Variants in PGAP1 observed in about 807,000 individuals in gnomAD.
PGAP1 encodes post-GPI attachment to proteins inositol deacylase 1.
Under a neutral mutation model 127.0 loss-of-function variants are expected in PGAP1, and 76 were observed. The ratio of observed to expected loss-of-function variants is 0.60; its 90% CI spans 0.50 to 0.72. PGAP1 has a LOEUF of 0.72. Among genes scored for constraint, PGAP1 ranks in the 30% least tolerant of loss-of-function variants. PGAP1 has a pLI of 0.00. For missense variants in PGAP1, 982 were observed against 1,071.3 expected, an observed-to-expected ratio of 0.92 and a Z score of 1.16; for synonymous variants, 362 against 366.5, an observed-to-expected ratio of 0.99 and a Z score of 0.14.
chr2:196,845,292 G>T (rs1700525077), intron 23 of PGAP1, among the ~76,000 whole-genome samples: 2 of 150,682 alleles, frequency 1.3e-5, no homozygotes, highest in Non-Finnish European at 3.0e-5. Context: ...TATCCACTCT[G>T]ATGTCAACTG....
Position 196,864,259 on chromosome 2 carries a change from G to A in PGAP1, c.1861+728C>T, listed in dbSNP as rs191682443. Among the ~76,000 whole-genome samples, 3 of 151,520 alleles carry A rather than the reference G, an allele frequency of 2.0e-5. 1 individual carries two copies. Among genetic ancestry groups the A allele is most frequent in the Admixed American group, 1.3e-4 (2 of 15,202 alleles). ...ACAAAAATTAGCCGGACATGGTTGCGGGTGCCTGTAATCCCAGCTACTTGG... is the reference window on the plus strand; with the variant it reads ...ACAAAAATTAGCCGGACATGGTTGCAGGTGCCTGTAATCCCAGCTACTTGG... On this transcript the variant is annotated intron_variant, in intron 20 of 26. Transcript: ENST00000354764.
Position 196,845,903 on chromosome 2 carries a change from A to T in PGAP1, c.2265T>A (p.Ser755=). Residue 755 remains serine (S), a synonymous_variant, in exon 23 of 27, where the codon TCT becomes TCA. Transcript: ENST00000354764. ...ATACCTTAAACACATAGTAAAGATA[A>T]GAAAGAAGTATGGCTAGTGCTCCAC... ...TTCGALAILL[S]YLYYVFKVVH... is the part of the protein sequence containing the mutation. The T allele has an allele frequency of 6.2e-7, 1 of 1,608,394 alleles. No homozygotes were observed. The highest frequency in any genetic ancestry group is 2.2e-5 in the East Asian group (1 of 44,664).
At chr2:196,869,398 C>T (rs868726077) in intron 19 of PGAP1, among the ~76,000 whole-genome samples, 12 of 152,038 alleles carry the variant, frequency 7.9e-5, no homozygotes, top group Non-Finnish European at 1.8e-4. Context: ...TGCAGTGGCG[C>T]GATCTCTGCT....
In PGAP1 at chr2:196,873,552, C is replaced by T. The variant is rs1001426688; in HGVS notation, c.1528G>A (p.Val510Ile). ...CCTTTGACTGCTGAGCACTTGCTTA[C>T]CACGTTGATTTTAAAAGCTTGGTAT... ...QIYQAFKINV[V>I]SKCSAVKEEI... The change falls in exon 16 of 27, where the codon GTA becomes ATA. Residue 510 changes from valine (V) to isoleucine (I), a missense_variant. Val to Ile is a conservative substitution (Grantham distance 29). Coordinates refer to ENST00000354764, the MANE Select transcript of PGAP1 (RefSeq NM_024989.4). 1 of 1,610,550 alleles carries T rather than the reference C, an allele frequency of 6.2e-7. No homozygotes were observed. Among genetic ancestry groups the T allele is most frequent in the African/African-American group, 1.3e-5 (1 of 74,936 alleles).
Position 196,872,430 on chromosome 2 carries a change from A to T in PGAP1, c.1728+11T>A, listed in dbSNP as rs1482373518. The T allele has an allele frequency of 5.8e-6, 9 of 1,553,600 alleles. No individual in the cohort carries two copies. The highest frequency in any genetic ancestry group is 7.1e-6 in the Non-Finnish European group (8 of 1,126,942). On this transcript the variant is annotated intron_variant, in intron 18 of 26. Transcript: ENST00000354764. ...ACTAAATCTTAAAAATTAATCAAACATACAACTTACCTCGTACCGACAGTC... is the reference window on the plus strand; with the variant it reads ...ACTAAATCTTAAAAATTAATCAAACTTACAACTTACCTCGTACCGACAGTC...
intron 10 of PGAP1, among the ~76,000 whole-genome samples, chr2:196,886,573 T>C (rs1330472967): frequency 6.6e-6 from 1 of 152,206 alleles, no homozygotes; most frequent in Non-Finnish European, 1.5e-5. Context: ...TCTACATTTT[T>C]TAAATGAAGA....
intron 14 of PGAP1, among the ~76,000 whole-genome samples, chr2:196,874,152 G>C (rs1007273429): frequency 2.6e-5 from 4 of 151,846 alleles, no homozygotes; most frequent in African/African-American, 9.7e-5. Context: ...CTAAAGTTTT[G>C]CCAAGTAACA....
In PGAP1 at chr2:196,846,946, C is replaced by A. The variant is rs918373805; in HGVS notation, c.2150+57G>T. ...AAATAATTAATTTCAGGTTCCTTAT[C>A]AGAATATATATTTCTTCTTAAAGCA... On this transcript the variant is annotated intron_variant, in intron 22 of 26. Coordinates refer to ENST00000354764, the MANE Select transcript of PGAP1 (RefSeq NM_024989.4). The A allele has an allele frequency of 3.0e-5, 41 of 1,370,864 alleles. No individual in the cohort carries two copies. The African/African-American group carries it at 5.8e-4, about 19-fold the overall frequency. 84.9% of individuals were successfully genotyped at this position (1,370,864 alleles called of 1,614,324 possible). A position where few individuals can be genotyped will look rare whatever the true frequency, so the allele number is the denominator to read the frequency against.
chr2:196,854,285 C>A (rs1164000439), intron 20 of PGAP1, among the ~76,000 whole-genome samples: 2 of 152,018 alleles, frequency 1.3e-5, no homozygotes, highest in Non-Finnish European at 2.9e-5. Context: ...GAATATATCT[C>A]TCATCTTGTA....
chr2:196,920,202 C>T, intron 1 of PGAP1, 52 bp from the exon 2 acceptor site: 1 of 1,497,150 alleles, frequency 6.7e-7, no homozygotes. Flanking sequence ...TAATACAATT[C>T]AGCCTCACCA....
intron 3 of PGAP1, among the ~76,000 whole-genome samples, chr2:196,915,540 TG>T (rs1702979208): frequency 6.6e-6 from 1 of 152,228 alleles, no homozygotes. Context: ...TCTTTCCAGT[TG>T]TTTAGCCAAA....
intron 1 of PGAP1, among the ~76,000 whole-genome samples, chr2:196,924,769 G>A (rs1186145222): frequency 6.6e-6 from 1 of 152,102 alleles, no homozygotes; most frequent in Non-Finnish European, 1.5e-5. Context: ...TGTTTTTCCA[G>A]TCAATTTATG....
chr2:196,895,937 G>T (rs1198505815), intron 7 of PGAP1, among the ~76,000 whole-genome samples: 1 of 152,140 alleles, frequency 6.6e-6, no homozygotes, highest in African/African-American at 2.4e-5. Flanking sequence ...TCCAAAAGAA[G>T]AAGCCAGAGC....
chr2:196,915,453 A>G lies in PGAP1; in HGVS notation c.477+965T>C, dbSNP rs1181374050. Among the ~76,000 whole-genome samples, 3 of 152,178 alleles carry G rather than the reference A, an allele frequency of 2.0e-5. No individual in the cohort carries two copies. In the East Asian group the frequency reaches 5.8e-4, roughly 29 times the overall value. On this transcript the variant is annotated intron_variant, in intron 3 of 26. Coordinates refer to ENST00000354764, the MANE Select transcript of PGAP1 (RefSeq NM_024989.4). Reference sequence around the variant, plus strand: ...CTAATGTGCATCTCAAACTGGATCTATCTAAAACTAAACTCTTAATCTCCT... The same window carrying G: ...CTAATGTGCATCTCAAACTGGATCTGTCTAAAACTAAACTCTTAATCTCCT...
chr2:196,900,689 G>A (rs1018072260), intron 5 of PGAP1, among the ~76,000 whole-genome samples: 2 of 152,130 alleles, frequency 1.3e-5, no homozygotes, highest in South Asian at 4.1e-4. Flanking sequence ...ACTTTGGGAG[G>A]CCAAGGCAGG....
chr2:196,886,157 CTTTT>C (rs768495810), intron 10 of PGAP1, among the ~76,000 whole-genome samples: 4 of 122,156 alleles, frequency 3.3e-5, no homozygotes, highest in African/African-American at 1.2e-4. Context: ...CTGGTTATCT[CTTTT>C]TTTTTTTTTT....
At chr2:196,846,093 T>C (rs1410270430) in intron 22 of PGAP1, 76 bp from the exon 23 acceptor site, 9 of 847,384 alleles carry the variant, frequency 1.1e-5, no homozygotes, top group African/African-American at 8.7e-5. Flanking sequence ...GAAAACAATA[T>C]AGTACCCTCC....
chr2:196,878,887 T>C (rs1178064021), intron 13 of PGAP1, among the ~76,000 whole-genome samples: 3 of 152,236 alleles, frequency 2.0e-5, no homozygotes, highest in African/African-American at 7.2e-5. Context: ...CTGGCAATGA[T>C]GTCACTATTG....
At chr2:196,922,504 A>C (rs1703228430) in intron 1 of PGAP1, 1 of 981,374 alleles carries the variant, frequency 1.0e-6, no homozygotes, top group African/African-American at 1.8e-5. Flanking sequence ...TGAATTTTTC[A>C]GACTTGTCTC....
Sources: gnomAD v4.1 joint callset for allele counts (sites outside exome capture counted in the v4.1 genomes callset) on GRCh38, gnomAD v4.1.1 for gene constraint, MANE v1.5 for transcripts, NCBI Gene and HGNC (gene_info 2026-07-23, HGNC 2026-07-21) for gene names.